The following ZNF704 variants were observed in gnomAD, a reference collection of about 807,000 sequenced individuals.
The protein encoded by ZNF704 is zinc finger protein 704, also known as glucocorticoid induced gene 1.
In ZNF704, 10 loss-of-function variants were observed where a neutral mutation model predicts 44.7. The observed-to-expected ratio is 0.22, with a 90% CI of 0.14 to 0.38. The LOEUF is 0.38. Among genes scored for constraint, ZNF704 ranks in the 10% least tolerant of loss-of-function variants. ZNF704 has a pLI of 1.00. For missense variants in ZNF704, 390 were observed against 545.5 expected, an observed-to-expected ratio of 0.71 and a Z score of 2.84; for synonymous variants, 211 against 207.6, an observed-to-expected ratio of 1.02 and a Z score of -0.14.
chr8:80,710,313 T>C (rs557126609), intron 2 of ZNF704, among the ~76,000 whole-genome samples: 1 of 152,336 alleles, frequency 6.6e-6, no homozygotes, highest in East Asian at 1.9e-4. Context: ...TGTCAGCCAC[T>C]GTTCAGCCTG....
intron 1 of ZNF704, among the ~76,000 whole-genome samples, chr8:80,851,408 T>C (rs1808861367): frequency 6.6e-6 from 1 of 152,166 alleles, no homozygotes; most frequent in Admixed American, 6.5e-5. Flanking sequence ...AATGATGAGT[T>C]CATGTCCTTT....
rs552178465 is a variant in ZNF704, at chr8:80,765,842, G to T, written c.221+55532C>A. 2.6e-5 allele frequency among the ~76,000 whole-genome samples: 4 copies of T among 152,194 alleles called. No homozygotes were observed. The East Asian group carries it at 7.7e-4, about 29-fold the overall frequency. ...ATGATCAACACCGATCTCTTGGCTA[G>T]ATTATAAAAATAATAGCTACCATTT... On this transcript the variant is annotated intron_variant, in intron 2 of 8. Transcript: ENST00000327835.
chr8:80,730,061 C>T (rs915080347), intron 2 of ZNF704, among the ~76,000 whole-genome samples: 17 of 151,962 alleles, frequency 1.1e-4, no homozygotes, highest in African/African-American at 3.4e-4. Flanking sequence ...CATAGGTGGA[C>T]GGAAACAGAA....
intron 1 of ZNF704, among the ~76,000 whole-genome samples, chr8:80,857,905 T>C (rs1279802429): frequency 6.6e-6 from 1 of 152,168 alleles, no homozygotes; most frequent in Non-Finnish European, 1.5e-5. Flanking sequence ...TTTATTTTTT[T>C]CCCCTCAAAT....
intron 2 of ZNF704, among the ~76,000 whole-genome samples, chr8:80,781,341 G>C (rs1304613305): frequency 6.6e-6 from 1 of 152,142 alleles, no homozygotes; most frequent in Non-Finnish European, 1.5e-5. Context: ...ACTCAATTCT[G>C]CTACTATTTG....
intron 2 of ZNF704, among the ~76,000 whole-genome samples, chr8:80,799,419 T>C (rs1347965898): frequency 1.3e-5 from 2 of 152,212 alleles, no homozygotes; most frequent in Non-Finnish European, 2.9e-5. Context: ...TGCATCCTGA[T>C]GTTTCTTCAT....
intron 1 of ZNF704, among the ~76,000 whole-genome samples, chr8:80,872,382 C>T (rs1446814071): frequency 6.6e-6 from 1 of 152,160 alleles, no homozygotes; most frequent in Non-Finnish European, 1.5e-5. Flanking sequence ...ATTCTAATTG[C>T]CGATGTTCAA....
intron 2 of ZNF704, among the ~76,000 whole-genome samples, chr8:80,695,495 C>T (rs1366025100): frequency 2.0e-5 from 3 of 152,156 alleles, no homozygotes; most frequent in Non-Finnish European, 2.9e-5. Context: ...AGGGTCCCCT[C>T]GCCCCCTCCC....
chr8:80,770,078 A>G (rs887418610), intron 2 of ZNF704, among the ~76,000 whole-genome samples: 1 of 152,182 alleles, frequency 6.6e-6, no homozygotes, highest in South Asian at 2.1e-4. Flanking sequence ...TGTATTCACC[A>G]TCATGAGAAC....
At chr8:80,708,211 T>C (rs1481861742) in intron 2 of ZNF704, among the ~76,000 whole-genome samples, 4 of 152,236 alleles carry the variant, frequency 2.6e-5, no homozygotes, top group Non-Finnish European at 5.9e-5. Context: ...ATTTATTGAA[T>C]ATCCACAGGC....
At chr8:80,722,959 C>T (rs1194960550) in intron 2 of ZNF704, among the ~76,000 whole-genome samples, 2 of 152,194 alleles carry the variant, frequency 1.3e-5, no homozygotes, top group South Asian at 2.1e-4. Flanking sequence ...CCCTAAGTAT[C>T]GAATAAAAAC....
At chr8:80,809,670 A>C (rs1395643908) in intron 2 of ZNF704, among the ~76,000 whole-genome samples, 10 of 152,216 alleles carry the variant, frequency 6.6e-5, no homozygotes, top group Non-Finnish European at 1.3e-4. Context: ...ACAAAATACG[A>C]TAAAATAGCA....
rs1276058080 is a variant in ZNF704 at position 80,874,102 on chromosome 8, TCCTCCTCTG to T, written c.-22+460_-22+468del. On this transcript the variant is annotated intron_variant, in intron 1 of 8. Transcript: ENST00000327835. The surrounding 1 kb of genome is among the most constrained non-coding windows in gnomAD (Gnocchi z 4.4). ...GGCCGGAGAGTTTGTCACCTCCTCTTCCTCCTCTGCCTCCGCCGGTGGCCGCAGGGCCGG... is the reference window on the plus strand; with the variant it reads ...GGCCGGAGAGTTTGTCACCTCCTCTTCCTCCGCCGGTGGCCGCAGGGCCGG... Among the ~76,000 whole-genome samples the T allele has an allele frequency of 6.8e-6, 1 of 146,304 alleles. No homozygotes were observed. The highest frequency in any genetic ancestry group is 2.5e-5 in the African/African-American group (1 of 40,614).
intron 1 of ZNF704, among the ~76,000 whole-genome samples, chr8:80,835,947 A>T (rs972636649): frequency 6.6e-6 from 1 of 152,196 alleles, no homozygotes; most frequent in Non-Finnish European, 1.5e-5. Flanking sequence ...TCCAGTTACC[A>T]TCCTGGTTAA....
At chr8:80,667,794 C>T (rs1186390466) in intron 5 of ZNF704, among the ~76,000 whole-genome samples, 2 of 152,184 alleles carry the variant, frequency 1.3e-5, no homozygotes, top group Non-Finnish European at 2.9e-5. Flanking sequence ...GACTCCTACA[C>T]ATTCTAGTTG....
chr8:80,833,809 A>G (rs1808510471), intron 1 of ZNF704, among the ~76,000 whole-genome samples: 1 of 152,162 alleles, frequency 6.6e-6, no homozygotes, highest in Non-Finnish European at 1.5e-5. Flanking sequence ...GTTTAATCAT[A>G]GGGCTGCCAA....
intron 2 of ZNF704, among the ~76,000 whole-genome samples, chr8:80,760,646 C>T (rs558161863): frequency 6.2e-5 from 8 of 128,824 alleles, no homozygotes; most frequent in African/African-American, 2.6e-4. Context: ...CAGAGCGAGA[C>T]TCCATCTCAA....
intron 2 of ZNF704, among the ~76,000 whole-genome samples, chr8:80,756,924 T>C (rs1438652344): frequency 1.3e-5 from 2 of 152,172 alleles, no homozygotes; most frequent in East Asian, 3.8e-4. Context: ...GGGGCAAGTA[T>C]TATGAAGTCT....
chr8:80,680,868 C>T (rs577891030), intron 4 of ZNF704, among the ~76,000 whole-genome samples: 11 of 152,276 alleles, frequency 7.2e-5, no homozygotes, highest in South Asian at 6.2e-4. Flanking sequence ...ATACCAAGCA[C>T]GGATGAAACA....
Sources: gnomAD v4.1 joint callset for allele counts (sites outside exome capture counted in the v4.1 genomes callset) on GRCh38, gnomAD v4.1.1 for gene constraint, Gnocchi (gnomAD v3.1) non-coding constraint, MANE v1.5 for transcripts, NCBI Gene and HGNC (gene_info 2026-07-23, HGNC 2026-07-21) for gene names.